NXN: variants seen among roughly 807,000 people sequenced by gnomAD.
NXN encodes the protein nucleoredoxin, also known as nucleoredoxin 1.
NXN carries 16 observed loss-of-function variants against 48.6 expected under a neutral mutation model. The ratio of observed to expected loss-of-function variants is 0.33; its 90% CI spans 0.22 to 0.50. The LOEUF is 0.50. Among genes scored for constraint, NXN ranks in the 20% least tolerant of loss-of-function variants. The probability of loss-of-function intolerance (pLI) is 0.98; values close to 1 mark genes in which losing one functional copy is unlikely to be tolerated. For missense variants in NXN, 492 were observed against 605.5 expected (o/e 0.81, Z 1.97); for synonymous variants, 281 against 269.6 (o/e 1.04, Z -0.41).
intron 1 of NXN, among the ~76,000 whole-genome samples, chr17:922,743 C>T (rs147732250): frequency 0.019 from 2,819 of 151,892 alleles, 61 homozygotes; most frequent in East Asian, 0.12. Context: ...CCTCTGCCTC[C>T]GGGGTTCAAG....
Position 958,906 on chromosome 17 carries a change from TG to T in NXN, c.360+20412del. Reference sequence around the variant, plus strand: ...ATGATCACACTACTGTGCTCCAGCCTGGGTGACAGCCTGAGACTTGTCTTTA... The same window carrying T: ...ATGATCACACTACTGTGCTCCAGCCTGGTGACAGCCTGAGACTTGTCTTTA... On this transcript the variant is annotated intron_variant, in intron 1 of 7. Transcript: ENST00000336868. The surrounding 1 kb of genome is among the most constrained non-coding windows in gnomAD (Gnocchi z 6.9). 1 of 155,818 alleles carries T rather than the reference TG, an allele frequency of 6.4e-6. No homozygotes were observed. The highest frequency in any genetic ancestry group is 1.4e-5 in the Non-Finnish European group (1 of 70,354). 9.7% of individuals were successfully genotyped at this position (155,818 alleles called of 1,614,324 possible).
chr17:861,545 G>A (rs2144779946), intron 1 of NXN, among the ~76,000 whole-genome samples: 1 of 152,312 alleles, frequency 6.6e-6, no homozygotes, highest in Non-Finnish European at 1.5e-5. Context: ...CAAAGGGAAG[G>A]AGGATTTCTC....
intron 1 of NXN, among the ~76,000 whole-genome samples, chr17:831,498 T>G (rs981345427): frequency 4.0e-5 from 6 of 150,210 alleles, no homozygotes; most frequent in African/African-American, 9.8e-5. Flanking sequence ...TGAGATGGAG[T>G]CTTGCTCTGT....
At chr17:841,369 G>T (rs1396066593) in intron 1 of NXN, among the ~76,000 whole-genome samples, 2 of 104,692 alleles carry the variant, frequency 1.9e-5, no homozygotes, top group African/African-American at 3.7e-5. Context: ...ACCCAGAGCA[G>T]CCCACACACG....
intron 1 of NXN, among the ~76,000 whole-genome samples, chr17:967,047 A>C (rs1389366195): frequency 6.6e-6 from 1 of 152,000 alleles, no homozygotes; most frequent in Non-Finnish European, 1.5e-5. Flanking sequence ...CCACACAGAG[A>C]CGGTGACCGT....
At chr17:894,691 G>A (rs2068457094) in intron 1 of NXN, among the ~76,000 whole-genome samples, 1 of 152,226 alleles carries the variant, frequency 6.6e-6, no homozygotes, top group Non-Finnish European at 1.5e-5. Context: ...CAGAACCTGG[G>A]GGTCCTGCCG....
At chr17:942,591 CCA>C (rs1369188149) in intron 1 of NXN, among the ~76,000 whole-genome samples, 15 of 64,798 alleles carry the variant, frequency 2.3e-4, no homozygotes, top group Admixed American at 4.4e-4. Flanking sequence ...CATGAATTCA[CCA>C]AACACCTTCC....
intron 1 of NXN, among the ~76,000 whole-genome samples, chr17:895,467 A>G (rs1029074247): frequency 3.9e-5 from 6 of 152,088 alleles, no homozygotes; most frequent in Admixed American, 3.3e-4. Context: ...ATGGGGAGAA[A>G]CAGAATTCAG....
chr17:933,629 C>A (rs1417082856), intron 1 of NXN, among the ~76,000 whole-genome samples: 1 of 152,000 alleles, frequency 6.6e-6, no homozygotes, highest in Non-Finnish European at 1.5e-5. Context: ...AAATGACTCA[C>A]ACAGCTTATC....
intron 1 of NXN, among the ~76,000 whole-genome samples, chr17:921,315 T>C (rs1292892682): frequency 6.6e-6 from 1 of 151,980 alleles, no homozygotes; most frequent in African/African-American, 2.4e-5. Flanking sequence ...CACAGCCTCC[T>C]CCTACCCCGG....
At chr17:892,507 T>A (rs981114067) in intron 1 of NXN, among the ~76,000 whole-genome samples, 1 of 152,108 alleles carries the variant, frequency 6.6e-6, no homozygotes, top group African/African-American at 2.4e-5. Context: ...ACACCAGGTT[T>A]CCAGCACTGG....
intron 2 of NXN, among the ~76,000 whole-genome samples, chr17:824,476 A>C (rs990688284): frequency 6.6e-6 from 1 of 152,184 alleles, no homozygotes; most frequent in African/African-American, 2.4e-5. Context: ...CGGTTTGGGA[A>C]TCATCGCCTC....
chr17:839,613 C>A (rs1914022224), intron 1 of NXN, among the ~76,000 whole-genome samples: 1 of 150,700 alleles, frequency 6.6e-6, no homozygotes, highest in South Asian at 2.1e-4. Flanking sequence ...GAGTTCGAGA[C>A]CCCTGGGCAA....
At chr17:852,273 ACAGCCT>A (rs1039038425) in intron 1 of NXN, among the ~76,000 whole-genome samples, 7 of 152,184 alleles carry the variant, frequency 4.6e-5, no homozygotes, top group South Asian at 2.1e-4. Context: ...TGCCTCAGCC[ACAGCCT>A]CAGCCTCAGC....
At position 920,192 on chromosome 17, in the gene NXN, G is replaced by A. The variant is rs539026220; in HGVS notation, c.360+59127C>T. Among the ~76,000 whole-genome samples, 13 of 151,946 alleles carry A rather than the reference G, an allele frequency of 8.6e-5. No homozygotes were observed. The highest frequency in any genetic ancestry group is 2.2e-4 in the African/African-American group (9 of 41,422). Reference sequence around the variant, plus strand: ...TGGGATGACAAGCACGAGCCATCACGCCCAGTCTACACCCCGAAATCCAAC... The same window carrying A: ...TGGGATGACAAGCACGAGCCATCACACCCAGTCTACACCCCGAAATCCAAC... On this transcript the variant is annotated intron_variant, in intron 1 of 7. Coordinates refer to ENST00000336868, the MANE Select transcript of NXN (RefSeq NM_022463.5). This position sits in a 1 kb window ranked among gnomAD's most constrained non-coding sequence, Gnocchi z 4.6.
rs528082112 is a variant in NXN, at chr17:800,626, G to A, written c.*323C>T. On this transcript the variant is annotated 3_prime_UTR_variant, in exon 8 of 8. Coordinates refer to ENST00000336868, the MANE Select transcript of NXN (RefSeq NM_022463.5). The stretch of plus-strand genomic sequence containing the variant: ...CGAGCGGGACCCACCGGCCCTCCAC[G>A]CTCACTCTGCCCAGGACACCCTGGC... 6.4e-5 allele frequency: 12 copies of A among 188,782 alleles called. No homozygotes were observed. In the South Asian group the frequency reaches 1.5e-3, roughly 24 times the overall value. The allele number at this position is 188,782 out of a possible 1,614,324, so 11.7% of individuals were successfully genotyped here. A position where few individuals can be genotyped will look rare whatever the true frequency, so the allele number is the denominator to read the frequency against.
chr17:806,884 CT>C (rs1911565469), intron 5 of NXN, among the ~76,000 whole-genome samples: 1 of 152,064 alleles, frequency 6.6e-6, no homozygotes, highest in Non-Finnish European at 1.5e-5. Flanking sequence ...AGAACAGGCT[CT>C]TGAGAACAGC....
chr17:802,805 C>G (rs1911273851), intron 7 of NXN, among the ~76,000 whole-genome samples: 1 of 152,324 alleles, frequency 6.6e-6, no homozygotes, highest in Non-Finnish European at 1.5e-5. Context: ...GGGTGTCTGG[C>G]TGCCGCCTGC....
chr17:804,954 G>A, intron 6 of NXN, 114 bp downstream of exon 6: 1 of 1,151,736 alleles, frequency 8.7e-7, no homozygotes, highest in Non-Finnish European at 1.3e-6. Flanking sequence ...CAAAGGCCCA[G>A]GCTTGCACTG....
Sources: allele counts gnomAD v4.1 joint callset (sites outside exome capture counted in the v4.1 genomes callset), GRCh38; gene constraint gnomAD v4.1.1; non-coding constraint Gnocchi (gnomAD v3.1); transcripts MANE v1.5; gene names NCBI Gene and HGNC (gene_info 2026-07-23, HGNC 2026-07-21).